RANBP17: variants seen among roughly 807,000 people sequenced by gnomAD.
The protein encoded by RANBP17 is ran-binding protein 17.
RANBP17 carries 158 observed loss-of-function variants against 141.2 expected under a neutral mutation model. The observed-to-expected ratio is 1.12, with a 90% confidence interval of 0.98 to 1.28. RANBP17 has a LOEUF of 1.28. Among genes scored for constraint, RANBP17 ranks in the 50% most tolerant of loss-of-function variants. The pLI is 0.00. For missense variants in RANBP17, 1,438 were observed against 1,290.7 expected (o/e 1.11, Z -1.75); for synonymous variants, 430 against 450.0 (o/e 0.96, Z 0.56).
chr5:171,104,813 A>G (rs920663589), intron 14 of RANBP17, among the ~76,000 whole-genome samples: 1 of 152,212 alleles, frequency 6.6e-6, no homozygotes, highest in African/African-American at 2.4e-5. Flanking sequence ...CGCATATAGA[A>G]GATGCTTGTT....
At chr5:171,005,439 G>A (rs377421804) in intron 14 of RANBP17, among the ~76,000 whole-genome samples, 17 of 152,134 alleles carry the variant, frequency 1.1e-4, no homozygotes, top group African/African-American at 2.9e-4. Context: ...AAATAATGCC[G>A]CATATCTACA....
chr5:171,261,004 G>T (rs994342710), intron 24 of RANBP17, among the ~76,000 whole-genome samples: 1 of 151,014 alleles, frequency 6.6e-6, no homozygotes, highest in African/African-American at 2.4e-5. Context: ...GATGTCATGT[G>T]GTATGAATGT....
intron 14 of RANBP17, among the ~76,000 whole-genome samples, chr5:171,036,611 C>T (rs534732923): frequency 1.2e-4 from 18 of 152,218 alleles, no homozygotes; most frequent in East Asian, 5.8e-4. Flanking sequence ...TCTAGCAGTC[C>T]GCTGTGTCTC....
At chr5:170,866,752 T>A (rs113797059) in intron 1 of RANBP17, 1 of 152,158 alleles carries the variant, frequency 6.6e-6, no homozygotes, top group African/African-American at 2.4e-5. Flanking sequence ...GGTGATTTTT[T>A]TATATCTTTC....
intron 25 of RANBP17, among the ~76,000 whole-genome samples, chr5:171,273,832 CT>C (rs1767289922): frequency 6.6e-6 from 1 of 152,066 alleles, no homozygotes; most frequent in African/African-American, 2.4e-5. Context: ...CTGAAGCATA[CT>C]TTTTTGGTTA....
chr5:171,154,940 G>T (rs1236276730), intron 14 of RANBP17, among the ~76,000 whole-genome samples: 1 of 151,608 alleles, frequency 6.6e-6, no homozygotes, highest in African/African-American at 2.4e-5. Flanking sequence ...AGCCGGGCAT[G>T]GTGGCGGGGC....
At chr5:170,956,883 A>G (rs1775746518) in intron 13 of RANBP17, among the ~76,000 whole-genome samples, 1 of 151,774 alleles carries the variant, frequency 6.6e-6, no homozygotes, top group Non-Finnish European at 1.5e-5. Flanking sequence ...CATCCTGGCT[A>G]ACACGGTGAA....
intron 14 of RANBP17, among the ~76,000 whole-genome samples, chr5:171,015,364 T>C (rs575626604): frequency 7.9e-5 from 12 of 152,228 alleles, no homozygotes; most frequent in East Asian, 3.9e-4. Flanking sequence ...TTTGGATAAT[T>C]TCTGTTGCTG....
At chr5:171,075,790 T>C (rs1013864758) in intron 14 of RANBP17, among the ~76,000 whole-genome samples, 1 of 151,966 alleles carries the variant, frequency 6.6e-6, no homozygotes, top group Non-Finnish European at 1.5e-5. Context: ...CTGTCTCTGC[T>C]AAAAATACAA....
chr5:171,155,094 A>AAAATATATATAT (rs34090443), intron 14 of RANBP17, among the ~76,000 whole-genome samples: 4 of 74,960 alleles, frequency 5.3e-5, no homozygotes, highest in Non-Finnish European at 7.4e-5. Context: ...AAAAAAAAAA[A>AAAATATATATAT]ATATATATAT....
At chr5:170,986,649 A>G (rs535489422) in intron 14 of RANBP17, among the ~76,000 whole-genome samples, 1 of 151,974 alleles carries the variant, frequency 6.6e-6, no homozygotes, top group South Asian at 2.1e-4. Flanking sequence ...TGTATTTTCA[A>G]ATTGTCCAAA....
intron 14 of RANBP17, among the ~76,000 whole-genome samples, chr5:170,969,647 C>CTT (rs374158098): frequency 1.7e-4 from 26 of 152,006 alleles, no homozygotes; most frequent in African/African-American, 6.3e-4. Flanking sequence ...GAAAATCCTT[C>CTT]TAAGTGTTGT....
intron 13 of RANBP17, among the ~76,000 whole-genome samples, chr5:170,965,249 T>G (rs937538189): frequency 2.8e-4 from 42 of 151,710 alleles, no homozygotes; most frequent in Middle Eastern, 3.4e-3. Context: ...GGGGTTGTTT[T>G]TTTTTTTCTT....
intron 24 of RANBP17, chr5:171,252,414 C>T (rs1166993425): frequency 9.2e-6 from 14 of 1,522,680 alleles, no homozygotes; most frequent in Non-Finnish European, 1.3e-5. Context: ...ATTTTTTAGA[C>T]CTGTCTGTTG....
chr5:171,253,803 G>T (rs1765719663), intron 24 of RANBP17, among the ~76,000 whole-genome samples: 1 of 152,124 alleles, frequency 6.6e-6, no homozygotes, highest in South Asian at 2.1e-4. Context: ...TCTGAAATCA[G>T]TAAGATACCT....
At chr5:171,037,072 C>T (rs1365114481) in intron 14 of RANBP17, among the ~76,000 whole-genome samples, 1 of 152,100 alleles carries the variant, frequency 6.6e-6, no homozygotes, top group Non-Finnish European at 1.5e-5. Flanking sequence ...TATAAGCGTT[C>T]CCTTATCTCT....
At chr5:171,168,924 C>G (rs1424898177) in intron 14 of RANBP17, among the ~76,000 whole-genome samples, 1 of 152,004 alleles carries the variant, frequency 6.6e-6, no homozygotes, top group Non-Finnish European at 1.5e-5. Flanking sequence ...ACCCTCTACA[C>G]CTAACCCTTC....
chr5:170,933,668 T>C (rs4392640), intron 12 of RANBP17, among the ~76,000 whole-genome samples: 93,016 of 152,014 alleles, frequency 0.61, 29,845 homozygotes, highest in South Asian at 0.88. Context: ...GATTTCGTTA[T>C]GTACCCAGTA....
intron 22 of RANBP17, among the ~76,000 whole-genome samples, chr5:171,234,036 C>T (rs1259249005): frequency 1.3e-5 from 2 of 151,086 alleles, no homozygotes; most frequent in African/African-American, 4.9e-5. Flanking sequence ...TGCTGTGATC[C>T]TTAAACTCCT....
Sources: gnomAD v4.1 joint callset for allele counts (sites outside exome capture counted in the v4.1 genomes callset) on GRCh38, gnomAD v4.1.1 for gene constraint, MANE v1.5 for transcripts, NCBI Gene and HGNC (gene_info 2026-07-23, HGNC 2026-07-21) for gene names.